Variants in CCDC149 observed in about 807,000 individuals in gnomAD.
The protein encoded by CCDC149 is coiled-coil domain-containing protein 149.
Under a neutral mutation model 59.9 loss-of-function variants are expected in CCDC149, and 45 were observed. The ratio of observed to expected loss-of-function variants is 0.75; its 90% CI spans 0.59 to 0.96. The LOEUF (loss-of-function observed/expected upper bound fraction) is 0.96, where lower values mean the gene tolerates loss of function less well. Among genes scored for constraint, CCDC149 ranks in the 40% least tolerant of loss-of-function variants. The pLI is 0.00. For synonymous variants in CCDC149, 245 were observed against 260.6 expected (o/e 0.94, Z 0.58); for missense variants, 584 against 664.7 (o/e 0.88, Z 1.33).
chr4:24,905,227 T>C (rs1479004356), intron 1 of CCDC149, among the ~76,000 whole-genome samples: 1 of 151,798 alleles, frequency 6.6e-6, no homozygotes, highest in Admixed American at 6.6e-5. Context: ...TGAGAGTTCC[T>C]TTTATATTCT....
chr4:24,975,984 G>T (rs560803859), intron 1 of CCDC149, among the ~76,000 whole-genome samples: 240 of 141,540 alleles, frequency 1.7e-3, no homozygotes, highest in Admixed American at 4.2e-3. Context: ...AGAGGGGACA[G>T]GAAAAAGAAG....
intron 4 of CCDC149, among the ~76,000 whole-genome samples, chr4:24,840,909 C>A (rs73103210): frequency 0.014 from 2,078 of 152,282 alleles, 52 homozygotes; most frequent in African/African-American, 0.047. Context: ...CCAGAGGCTT[C>A]CAGGAACCTA....
At chr4:24,931,326 T>A (rs1267673343) in intron 1 of CCDC149, among the ~76,000 whole-genome samples, 1 of 147,210 alleles carries the variant, frequency 6.8e-6, no homozygotes, top group Non-Finnish European at 1.5e-5. Context: ...TATATATATA[T>A]ATATATCTCA....
At chr4:24,862,307 C>G (rs967422928) in intron 3 of CCDC149, among the ~76,000 whole-genome samples, 1 of 152,206 alleles carries the variant, frequency 6.6e-6, no homozygotes, top group Non-Finnish European at 1.5e-5. Flanking sequence ...AGCAAAGCAA[C>G]TGACCATGGA....
intron 12 of CCDC149, among the ~76,000 whole-genome samples, chr4:24,813,266 T>C (rs147683880): frequency 1.2e-3 from 178 of 152,112 alleles, no homozygotes; most frequent in African/African-American, 4.1e-3. Context: ...CACCTTGATC[T>C]TGGACTTCCC....
chr4:24,867,118 G>A (rs530662332), intron 3 of CCDC149, among the ~76,000 whole-genome samples: 2 of 152,306 alleles, frequency 1.3e-5, no homozygotes, highest in Non-Finnish European at 2.9e-5. Context: ...AACCTGCTAT[G>A]TGTCCTTGGA....
chr4:24,917,595 T>C (rs1722166349), upstream of CCDC149, among the ~76,000 whole-genome samples: 1 of 151,786 alleles, frequency 6.6e-6, no homozygotes, highest in South Asian at 2.1e-4. Flanking sequence ...AGACAGGGCC[T>C]GGGGTGCCGG....
intron 1 of CCDC149, among the ~76,000 whole-genome samples, chr4:24,936,621 T>C (rs769096958): frequency 6.6e-6 from 1 of 152,234 alleles, no homozygotes; most frequent in East Asian, 1.9e-4. Context: ...TTATTTTCTA[T>C]AGTTACTCTA....
intron 1 of CCDC149, among the ~76,000 whole-genome samples, chr4:24,933,936 G>A (rs1355208747): frequency 6.6e-6 from 1 of 152,172 alleles, no homozygotes; most frequent in Non-Finnish European, 1.5e-5. Flanking sequence ...TGTTGCCAAC[G>A]ATGCTGAAAG....
chr4:24,979,036 C>T (rs546547252), intron 1 of CCDC149, among the ~76,000 whole-genome samples: 1 of 152,124 alleles, frequency 6.6e-6, no homozygotes, highest in Non-Finnish European at 1.5e-5. Context: ...GCAGGGAACA[C>T]TTTGAGAGAG....
downstream of CCDC149, among the ~76,000 whole-genome samples, chr4:24,805,580 C>A (rs557779567): frequency 6.6e-6 from 1 of 152,316 alleles, no homozygotes; most frequent in African/African-American, 2.4e-5. Flanking sequence ...CAGGGCCCTT[C>A]TTCAGTTCTT....
At chr4:24,815,648 C>T (rs1400424739) in intron 12 of CCDC149, among the ~76,000 whole-genome samples, 1 of 152,146 alleles carries the variant, frequency 6.6e-6, no homozygotes, top group African/African-American at 2.4e-5. Flanking sequence ...TACTGTAGGT[C>T]AGGTTAATCT....
intron 1 of CCDC149, among the ~76,000 whole-genome samples, chr4:24,954,099 G>T (rs114124301): frequency 0.019 from 2,963 of 152,206 alleles, 91 homozygotes; most frequent in African/African-American, 0.068. Context: ...GGGACCAAGA[G>T]AATATTTGAA....
chr4:24,963,639 T>C (rs997675347), intron 1 of CCDC149, among the ~76,000 whole-genome samples: 4 of 152,210 alleles, frequency 2.6e-5, no homozygotes, highest in African/African-American at 9.6e-5. Context: ...TGTCTCACTT[T>C]TTCTGGGAAG....
chr4:24,914,897 A>G (rs1347837938), upstream of CCDC149, among the ~76,000 whole-genome samples: 1 of 152,204 alleles, frequency 6.6e-6, no homozygotes, highest in East Asian at 1.9e-4. Context: ...AGCTAAGAAA[A>G]GGAACCAGTA....
At chr4:24,900,574 C>G (rs1721109359) in intron 1 of CCDC149, among the ~76,000 whole-genome samples, 1 of 152,200 alleles carries the variant, frequency 6.6e-6, no homozygotes, top group African/African-American at 2.4e-5. Flanking sequence ...TGTCTCCTGC[C>G]CCAACACAGG....
intron 1 of CCDC149, among the ~76,000 whole-genome samples, chr4:24,949,162 G>A (rs1482207378): frequency 1.3e-5 from 2 of 152,116 alleles, no homozygotes; most frequent in Non-Finnish European, 2.9e-5. Context: ...GGGGTTTCCT[G>A]GAACACTGTC....
intron 1 of CCDC149, among the ~76,000 whole-genome samples, chr4:24,953,409 A>T (rs1723369689): frequency 6.6e-6 from 1 of 152,128 alleles, no homozygotes; most frequent in Non-Finnish European, 1.5e-5. Context: ...GCCTTTTGAG[A>T]CCCAAACATT....
Position 24,819,976 on chromosome 4 carries a change from C to T in CCDC149, c.1076-1G>A. 6.5e-7 allele frequency: 1 copy of T among 1,545,688 alleles called. No homozygotes were observed. The highest frequency in any genetic ancestry group is 8.7e-7 in the Non-Finnish European group (1 of 1,143,492). On this transcript the variant is annotated splice_acceptor_variant, in intron 11 of 12. Transcript: ENST00000635206. LOFTEE classifies it high-confidence loss of function. Reference sequence around the variant, plus strand: ...CTGAACAGTATGGTGTCCTTGCCCCCTGTTGCAGAAAAGAGGAAAATGGAT... The same window carrying T: ...CTGAACAGTATGGTGTCCTTGCCCCTTGTTGCAGAAAAGAGGAAAATGGAT...
Sources: allele counts gnomAD v4.1 joint callset (sites outside exome capture counted in the v4.1 genomes callset), GRCh38; gene constraint gnomAD v4.1.1; transcripts MANE v1.5; gene names NCBI Gene and HGNC (gene_info 2026-07-23, HGNC 2026-07-21).